Variants in ENOX1 observed in about 807,000 individuals in gnomAD.
The protein encoded by ENOX1 is ecto-NOX disulfide-thiol exchanger 1.
In ENOX1, 42 loss-of-function variants were observed where a neutral mutation model predicts 82.5. The ratio of observed to expected loss-of-function variants is 0.51; its 90% CI spans 0.40 to 0.66. ENOX1 has a LOEUF of 0.66. Ranked by LOEUF, ENOX1 falls within the 30% of genes least tolerant of loss-of-function variation. ENOX1 has a pLI of 0.00. For missense variants in ENOX1, 608 were observed against 811.6 expected (o/e 0.75, Z 3.05); for synonymous variants, 271 against 282.2 (o/e 0.96, Z 0.40).
At chr13:43,405,817 T>G (rs2053760560) in intron 5 of ENOX1, among the ~76,000 whole-genome samples, 1 of 152,248 alleles carries the variant, frequency 6.6e-6, no homozygotes, top group Admixed American at 6.5e-5. Context: ...CTATAGGGGT[T>G]ACAAACATGC....
chr13:43,575,019 C>T (rs1052955735), intron 2 of ENOX1, among the ~76,000 whole-genome samples: 3 of 152,152 alleles, frequency 2.0e-5, no homozygotes, highest in African/African-American at 7.2e-5. Flanking sequence ...TGCTTAGGAG[C>T]TTATTGCTTT....
chr13:43,288,984 A>G (rs2153499405), intron 12 of ENOX1, among the ~76,000 whole-genome samples: 1 of 152,310 alleles, frequency 6.6e-6, no homozygotes, highest in Non-Finnish European at 1.5e-5. Flanking sequence ...CACGAAGAAG[A>G]TAAAATACCT....
intron 2 of ENOX1, among the ~76,000 whole-genome samples, chr13:43,654,383 T>C (rs1425783589): frequency 6.6e-6 from 1 of 152,200 alleles, no homozygotes; most frequent in African/African-American, 2.4e-5. Flanking sequence ...CAGCACCGCA[T>C]TTGCATTAGC....
intron 2 of ENOX1, among the ~76,000 whole-genome samples, chr13:43,638,295 C>T (rs2083488241): frequency 6.6e-6 from 1 of 152,170 alleles, no homozygotes; most frequent in Non-Finnish European, 1.5e-5. Context: ...CCATAATTTC[C>T]ATATTTATTG....
chr13:43,685,361 G>GC (rs745666350), intron 1 of ENOX1, among the ~76,000 whole-genome samples: 90 of 152,250 alleles, frequency 5.9e-4, no homozygotes, highest in Admixed American at 1.2e-3. Context: ...CCTCTGTGTA[G>GC]GACTCATAGC....
At chr13:43,293,881 T>C (rs1282149735) in intron 12 of ENOX1, among the ~76,000 whole-genome samples, 1 of 152,230 alleles carries the variant, frequency 6.6e-6, no homozygotes, top group East Asian at 1.9e-4. Flanking sequence ...ATAAAATTAG[T>C]CTAAGTGGGT....
chr13:43,606,015 T>C (rs1333553358), intron 2 of ENOX1, among the ~76,000 whole-genome samples: 1 of 152,166 alleles, frequency 6.6e-6, no homozygotes, highest in Non-Finnish European at 1.5e-5. Context: ...TAGACACTTC[T>C]CAAAAGAAGA....
At chr13:43,433,022 G>A (rs1384099982) in intron 3 of ENOX1, among the ~76,000 whole-genome samples, 1 of 152,128 alleles carries the variant, frequency 6.6e-6, no homozygotes, top group Non-Finnish European at 1.5e-5. Flanking sequence ...GGGAGACCAT[G>A]CATGTCTGAG....
chr13:43,279,589 TTTCTTCACATGTTAAATAAA>T (rs1370634113), intron 12 of ENOX1, among the ~76,000 whole-genome samples: 1 of 152,230 alleles, frequency 6.6e-6, no homozygotes, highest in Non-Finnish European at 1.5e-5. Flanking sequence ...CGTTTTTCAC[TTTCTTCACATGTTAAATAAA>T]TATAAGAATA....
chr13:43,308,508 G>A (rs1010294846), intron 11 of ENOX1, among the ~76,000 whole-genome samples: 4 of 152,108 alleles, frequency 2.6e-5, no homozygotes, highest in Non-Finnish European at 5.9e-5. Flanking sequence ...GATTTGTTTT[G>A]CATTTCTGGT....
intron 8 of ENOX1, among the ~76,000 whole-genome samples, chr13:43,354,986 T>C (rs1368596870): frequency 1.3e-5 from 2 of 152,236 alleles, no homozygotes; most frequent in African/African-American, 4.8e-5. Context: ...GCATTTACCT[T>C]GGTTGACAAT....
chr13:43,643,374 A>T (rs996034075), intron 2 of ENOX1, among the ~76,000 whole-genome samples: 1 of 152,192 alleles, frequency 6.6e-6, no homozygotes, highest in Non-Finnish European at 1.5e-5. Context: ...TATGAGCTGG[A>T]CAACAGGGAA....
At chr13:43,358,431 GC>G (rs999901574) in intron 7 of ENOX1, among the ~76,000 whole-genome samples, 2 of 145,712 alleles carry the variant, frequency 1.4e-5, no homozygotes, top group Admixed American at 7.0e-5. Context: ...TGAGGGTTCT[GC>G]AGGATATACA....
At chr13:43,616,165 T>TATAGATAG (rs1566641699) in intron 2 of ENOX1, among the ~76,000 whole-genome samples, 10 of 5,692 alleles carry the variant, frequency 1.8e-3, no homozygotes, top group East Asian at 0.038. Flanking sequence ...TAGATATCTA[T>TATAGATAG]CTATCTATCT....
At chr13:43,546,223 G>C (rs1259139681) in intron 2 of ENOX1, 2 of 152,238 alleles carry the variant, frequency 1.3e-5, no homozygotes, top group African/African-American at 4.8e-5. Flanking sequence ...CATGGATAGA[G>C]ACTGAATGGC....
At chr13:43,518,128 C>T (rs1191087583) in intron 2 of ENOX1, among the ~76,000 whole-genome samples, 1 of 152,088 alleles carries the variant, frequency 6.6e-6, no homozygotes, top group Non-Finnish European at 1.5e-5. Flanking sequence ...CAAAACAAAA[C>T]CAATCTAAGA....
At chr13:43,659,848 A>G (rs2084634792) in intron 2 of ENOX1, among the ~76,000 whole-genome samples, 1 of 152,190 alleles carries the variant, frequency 6.6e-6, no homozygotes, top group African/African-American at 2.4e-5. Flanking sequence ...AGAGAACAGA[A>G]GGTATTGTCA....
At chr13:43,244,131 T>C (rs1357415258) in intron 14 of ENOX1, among the ~76,000 whole-genome samples, 1 of 150,358 alleles carries the variant, frequency 6.7e-6, no homozygotes, top group African/African-American at 2.5e-5. Flanking sequence ...GTCACATTAT[T>C]TACATACTAG....
At chr13:43,746,445 T>G (rs1313756319) in intron 1 of ENOX1, among the ~76,000 whole-genome samples, 1 of 152,000 alleles carries the variant, frequency 6.6e-6, no homozygotes, top group Admixed American at 6.6e-5. Flanking sequence ...GAAGGGCAGA[T>G]GGAGGTTAGG....
Sources: allele counts gnomAD v4.1 joint callset (sites outside exome capture counted in the v4.1 genomes callset), GRCh38; gene constraint gnomAD v4.1.1; transcripts MANE v1.5; gene names NCBI Gene and HGNC (gene_info 2026-07-23, HGNC 2026-07-21).